CDH18: variants seen among roughly 807,000 people sequenced by gnomAD.
CDH18 encodes cadherin 18.
A neutral mutation model predicts 67.9 loss-of-function variants in CDH18; 31 were observed. That is an observed-to-expected ratio of 0.46 (90% CI 0.34 to 0.62). The LOEUF is 0.62. CDH18 is among the 20% of genes least tolerant of loss of function. CDH18 has a pLI of 0.01. For synonymous variants in CDH18, 362 were observed against 347.2 expected, an observed-to-expected ratio of 1.04 and a Z score of -0.48; for missense variants, 890 against 975.5, an observed-to-expected ratio of 0.91 and a Z score of 1.17.
At chr5:20,146,169 C>T (rs969699647) in intron 2 of CDH18, among the ~76,000 whole-genome samples, 1 of 152,060 alleles carries the variant, frequency 6.6e-6, no homozygotes, top group African/African-American at 2.4e-5. Flanking sequence ...TGAATTTTAC[C>T]AAGTGAAACT....
At chr5:20,298,079 G>A (rs1207090824) in intron 1 of CDH18, among the ~76,000 whole-genome samples, 2 of 152,020 alleles carry the variant, frequency 1.3e-5, no homozygotes, top group Admixed American at 1.3e-4. Context: ...TAGAAAAAAG[G>A]GAACTTGCCT....
chr5:19,555,067 T>C (rs1561335123), intron 8 of CDH18, among the ~76,000 whole-genome samples: 1 of 152,188 alleles, frequency 6.6e-6, no homozygotes, highest in Non-Finnish European at 1.5e-5. Flanking sequence ...CACTTTATCC[T>C]GTGTGAAATA....
At chr5:19,858,180 A>G (rs1297673435) in intron 2 of CDH18, among the ~76,000 whole-genome samples, 1 of 141,932 alleles carries the variant, frequency 7.0e-6, no homozygotes, top group African/African-American at 2.4e-5. Flanking sequence ...GGACAACTGG[A>G]AATGGGGGCT....
intron 1 of CDH18, among the ~76,000 whole-genome samples, chr5:20,552,771 T>C (rs1193544635): frequency 1.3e-5 from 2 of 152,100 alleles, no homozygotes; most frequent in Non-Finnish European, 2.9e-5. Context: ...TTTTTTTTTT[T>C]CAAACAGAGT....
chr5:19,562,514 C>T (rs1474304690), intron 8 of CDH18, among the ~76,000 whole-genome samples: 1 of 152,124 alleles, frequency 6.6e-6, no homozygotes, highest in East Asian at 1.9e-4. Flanking sequence ...CCAATAAATT[C>T]ACCTCACCAA....
intron 1 of CDH18, among the ~76,000 whole-genome samples, chr5:20,477,216 C>T (rs566466904): frequency 7.2e-5 from 11 of 152,194 alleles, no homozygotes; most frequent in African/African-American, 2.6e-4. Flanking sequence ...CACACCCACA[C>T]ACACACGAGG....
intron 2 of CDH18, among the ~76,000 whole-genome samples, chr5:19,914,682 T>C (rs1172401770): frequency 6.6e-6 from 1 of 152,066 alleles, no homozygotes; most frequent in Non-Finnish European, 1.5e-5. Context: ...GATAAAAGAA[T>C]CAAATAATCA....
chr5:20,383,451 T>C (rs1391864463), intron 1 of CDH18, among the ~76,000 whole-genome samples: 7 of 152,168 alleles, frequency 4.6e-5, no homozygotes, highest in African/African-American at 1.7e-4. Context: ...CCTTGCTTCA[T>C]TTGCAAATTG....
At chr5:19,738,374 T>C (rs1768640230) in intron 4 of CDH18, among the ~76,000 whole-genome samples, 1 of 152,210 alleles carries the variant, frequency 6.6e-6, no homozygotes, top group Admixed American at 6.5e-5. Context: ...AGCCAAATTA[T>C]ATACCTCAAT....
At chr5:19,798,545 T>A (rs1186328164) in intron 3 of CDH18, among the ~76,000 whole-genome samples, 4 of 152,090 alleles carry the variant, frequency 2.6e-5, no homozygotes, top group African/African-American at 9.6e-5. Flanking sequence ...GAGGCTCTGC[T>A]TTCTAGCAAA....
At chr5:20,354,828 A>T (rs1460677242) in intron 1 of CDH18, among the ~76,000 whole-genome samples, 6 of 152,210 alleles carry the variant, frequency 3.9e-5, no homozygotes, top group Non-Finnish European at 8.8e-5. Flanking sequence ...GGTAACCATG[A>T]CAATAGGATT....
intron 1 of CDH18, among the ~76,000 whole-genome samples, chr5:20,349,272 T>A (rs2150054516): frequency 6.6e-6 from 1 of 151,990 alleles, no homozygotes; most frequent in South Asian, 2.1e-4. Flanking sequence ...TGGAGATATA[T>A]TTTTTTTGTA....
intron 3 of CDH18, among the ~76,000 whole-genome samples, chr5:19,772,190 G>A (rs1047536478): frequency 6.6e-6 from 1 of 152,066 alleles, no homozygotes; most frequent in Non-Finnish European, 1.5e-5. Flanking sequence ...TACTTGTTTT[G>A]CATTTACAAT....
rs565572145 is a variant in CDH18 at position 19,542,593 on chromosome 5, C to A, written c.1390+1276G>T. ...ATTTTGGCAATAAAAAAATGAAGTACCAATGACACATACTATAATATGCAT... is the reference window on the plus strand; with the variant it reads ...ATTTTGGCAATAAAAAAATGAAGTAACAATGACACATACTATAATATGCAT... On this transcript the variant is annotated intron_variant, in intron 9 of 12. Coordinates refer to ENST00000382275, the MANE Select transcript of CDH18 (RefSeq NM_004934.5). Among the ~76,000 whole-genome samples, 4 of 152,028 alleles carry A rather than the reference C, an allele frequency of 2.6e-5. No individual in the cohort carries two copies. The South Asian group carries it at 6.2e-4, about 24-fold the overall frequency.
chr5:20,556,187 A>T (rs755205439), intron 1 of CDH18, among the ~76,000 whole-genome samples: 7 of 152,186 alleles, frequency 4.6e-5, no homozygotes, highest in Non-Finnish European at 8.8e-5. Context: ...GAGGAATCAG[A>T]AAAGTGTTTC....
chr5:19,543,684 A>G (rs993541960), intron 9 of CDH18, among the ~76,000 whole-genome samples, 185 bp downstream of exon 9: 1 of 152,134 alleles, frequency 6.6e-6, no homozygotes, highest in Non-Finnish European at 1.5e-5. Context: ...GAATTACAGT[A>G]AGGAGGAAGG....
intron 2 of CDH18, among the ~76,000 whole-genome samples, chr5:20,020,795 T>C (rs1002155840): frequency 1.3e-5 from 2 of 152,222 alleles, no homozygotes; most frequent in East Asian, 3.9e-4. Flanking sequence ...AGAGGATAAA[T>C]GTGGGGTTGG....
chr5:20,295,879 T>TC (rs1747462071), intron 1 of CDH18, among the ~76,000 whole-genome samples: 1 of 145,200 alleles, frequency 6.9e-6, no homozygotes, highest in Non-Finnish European at 1.5e-5. Context: ...TTTCTTTTTT[T>TC]TTTTTTTTTG....
intron 2 of CDH18, among the ~76,000 whole-genome samples, chr5:20,171,275 G>T (rs1736687924): frequency 6.6e-6 from 1 of 151,924 alleles, no homozygotes; most frequent in Non-Finnish European, 1.5e-5. Context: ...CTGTTTTTAA[G>T]TCTTAGTGAA....
Sources: allele counts gnomAD v4.1 joint callset (sites outside exome capture counted in the v4.1 genomes callset), GRCh38; gene constraint gnomAD v4.1.1; transcripts MANE v1.5; gene names NCBI Gene and HGNC (gene_info 2026-07-23, HGNC 2026-07-21).